MAEL: variants seen among roughly 807,000 people sequenced by gnomAD.
The protein encoded by MAEL is maelstrom spermatogenic transposon silencer, also known as protein maelstrom homolog.
A neutral mutation model predicts 62.0 loss-of-function variants in MAEL; 46 were observed. The ratio of observed to expected loss-of-function variants is 0.74; its 90% CI spans 0.59 to 0.95. MAEL has a LOEUF of 0.95. MAEL is among the 40% of genes least tolerant of loss of function. The pLI, the probability that MAEL is intolerant of heterozygous loss-of-function variation, is 0.00. For missense variants in MAEL, 497 were observed against 526.8 expected, an observed-to-expected ratio of 0.94 and a Z score of 0.55; for synonymous variants, 172 against 175.5, an observed-to-expected ratio of 0.98 and a Z score of 0.16.
intron 5 of MAEL, among the ~76,000 whole-genome samples, chr1:167,002,061 G>A (rs1433253404): frequency 1.3e-5 from 2 of 152,208 alleles, no homozygotes; most frequent in African/African-American, 2.4e-5. Context: ...GATTACAGGC[G>A]TGAGCCACTG....
intron 2 of MAEL, among the ~76,000 whole-genome samples, chr1:166,991,007 A>G (rs1490320132): frequency 6.6e-6 from 1 of 152,248 alleles, no homozygotes; most frequent in Non-Finnish European, 1.5e-5. Context: ...CTTGGAGACA[A>G]CATAATCTGG....
At chr1:166,976,550 G>T (rs780635709) in intron 1 of MAEL, among the ~76,000 whole-genome samples, 1 of 152,188 alleles carries the variant, frequency 6.6e-6, no homozygotes, top group Non-Finnish European at 1.5e-5. Context: ...TGGGGAGGGG[G>T]CACCACGATA....
At chr1:167,019,776 T>G (rs577769994) in intron 10 of MAEL, among the ~76,000 whole-genome samples, 2 of 152,232 alleles carry the variant, frequency 1.3e-5, no homozygotes, top group Non-Finnish European at 2.9e-5. Flanking sequence ...TTGGAGTCAG[T>G]AGACTCCAAA....
intron 8 of MAEL, 98 bp from the exon 9 acceptor site, chr1:167,016,124 C>T: frequency 9.4e-7 from 1 of 1,061,802 alleles, no homozygotes; most frequent in East Asian, 2.4e-5. Context: ...CTTCAAGTAA[C>T]CTCATTTTTT....
chr1:166,991,358 A>C lies in MAEL; in HGVS notation c.226-20A>C. ...TGCCCAGCAAGAGTTTATGTGGCCA[A>C]TCATTCTCTTCCTCTTTAGAAACCT... On this transcript the variant is annotated intron_variant, in intron 2 of 11. Transcript: ENST00000367872. 6 of 1,523,490 alleles carry C rather than the reference A, an allele frequency of 3.9e-6. No individual in the cohort carries two copies. The highest frequency in any genetic ancestry group is 5.5e-6 in the Non-Finnish European group (6 of 1,097,798). The allele number at this position is 1,523,490 out of a possible 1,614,324, so 94.4% of individuals were successfully genotyped here.
chr1:167,012,310 A>G (rs1665199563), intron 8 of MAEL: 1 of 152,226 alleles, frequency 6.6e-6, no homozygotes, highest in African/African-American at 2.4e-5. Flanking sequence ...TAGAATCTTA[A>G]GTAAACAGTC....
intron 8 of MAEL, among the ~76,000 whole-genome samples, chr1:167,009,407 C>G (rs1423663834): frequency 6.6e-6 from 1 of 151,986 alleles, no homozygotes; most frequent in Non-Finnish European, 1.5e-5. Context: ...ATTTTCTTGG[C>G]CTTAGTTATC....
chr1:167,006,838 G>C (rs1008920080), intron 8 of MAEL, among the ~76,000 whole-genome samples: 19 of 151,546 alleles, frequency 1.3e-4, no homozygotes, highest in African/African-American at 4.4e-4. Flanking sequence ...GTTTCACCAT[G>C]TTGGCCAGGC....
chr1:167,001,856 G>T (rs983149378), intron 5 of MAEL, among the ~76,000 whole-genome samples: 12 of 152,274 alleles, frequency 7.9e-5, no homozygotes, highest in African/African-American at 2.6e-4. Context: ...ATCTCAGCTT[G>T]CTATAGCCTC....
chr1:167,013,441 AG>A (rs1665252973), intron 8 of MAEL, among the ~76,000 whole-genome samples: 1 of 152,294 alleles, frequency 6.6e-6, no homozygotes, highest in African/African-American at 2.4e-5. Context: ...AGCCATCATC[AG>A]TGTCGATGAG....
intron 1 of MAEL, among the ~76,000 whole-genome samples, chr1:166,980,289 G>T (rs538516564): frequency 1.6e-4 from 24 of 152,144 alleles, no homozygotes; most frequent in African/African-American, 5.5e-4. Context: ...GCCTCCCAAA[G>T]TGCTGGGATT....
At chr1:166,995,347 TCTC>T (rs1386546983) in intron 5 of MAEL, among the ~76,000 whole-genome samples, 2 of 152,142 alleles carry the variant, frequency 1.3e-5, no homozygotes, top group African/African-American at 2.4e-5. Flanking sequence ...TTCAAGCAAT[TCTC>T]CTGCCTCGCC....
chr1:166,991,936 G>A (rs764520143), intron 3 of MAEL, among the ~76,000 whole-genome samples: 1 of 152,186 alleles, frequency 6.6e-6, no homozygotes, highest in Non-Finnish European at 1.5e-5. Flanking sequence ...ATTCCACAAT[G>A]TATACATGTA....
chr1:167,014,359 C>T (rs1354591018), intron 8 of MAEL, among the ~76,000 whole-genome samples: 1 of 152,132 alleles, frequency 6.6e-6, no homozygotes, highest in Admixed American at 6.6e-5. Flanking sequence ...TTTTAATGAG[C>T]TTTTGATACT....
At chr1:167,003,293 G>A (rs900359234) in intron 5 of MAEL, among the ~76,000 whole-genome samples, 1 of 152,088 alleles carries the variant, frequency 6.6e-6, no homozygotes, top group African/African-American at 2.4e-5. Flanking sequence ...GCTAAAATTG[G>A]TAATTTGATC....
intron 6 of MAEL, among the ~76,000 whole-genome samples, chr1:167,004,629 C>T (rs918353434): frequency 5.9e-5 from 9 of 152,128 alleles, no homozygotes; most frequent in Admixed American, 4.6e-4. Context: ...ACCTATCTTT[C>T]GAAACAAGAA....
At chr1:167,010,857 G>A (rs573998548) in intron 8 of MAEL, among the ~76,000 whole-genome samples, 1 of 152,304 alleles carries the variant, frequency 6.6e-6, no homozygotes. Context: ...CGGGAGGTTT[G>A]ATTGAGAGTC....
At chr1:166,978,957 G>C (rs1663678602) in intron 1 of MAEL, among the ~76,000 whole-genome samples, 1 of 151,524 alleles carries the variant, frequency 6.6e-6, no homozygotes. Flanking sequence ...GGGACTAACA[G>C]GCTGCTTCAG....
chr1:166,979,196 T>C (rs910017176), intron 1 of MAEL, among the ~76,000 whole-genome samples: 30 of 152,208 alleles, frequency 2.0e-4, no homozygotes, highest in African/African-American at 6.3e-4. Flanking sequence ...CTACTTCTCC[T>C]CTCTGATCCT....
Sources: allele counts gnomAD v4.1 joint callset (sites outside exome capture counted in the v4.1 genomes callset), GRCh38; gene constraint gnomAD v4.1.1; transcripts MANE v1.5; gene names NCBI Gene and HGNC (gene_info 2026-07-23, HGNC 2026-07-21).